SLC24A2: variants seen among roughly 807,000 people sequenced by gnomAD.
SLC24A2 encodes the protein sodium/potassium/calcium exchanger 2.
In SLC24A2, 36 loss-of-function variants were observed where a neutral mutation model predicts 62.0. That is an observed-to-expected ratio of 0.58 (90% CI 0.44 to 0.77). The LOEUF is 0.77. Among genes scored for constraint, SLC24A2 ranks in the 30% least tolerant of loss-of-function variants. The probability of loss-of-function intolerance (pLI) is 0.00; values close to 1 mark genes in which losing one functional copy is unlikely to be tolerated. For missense variants in SLC24A2, 846 were observed against 817.9 expected, an observed-to-expected ratio of 1.03 and a Z score of -0.42; for synonymous variants, 358 against 294.0, an observed-to-expected ratio of 1.22 and a Z score of -2.23.
chr9:19,921,423 A>G, the SLC24A2 span, among the ~76,000 whole-genome samples: 1 of 151,142 alleles, frequency 6.6e-6, no homozygotes, highest in African/African-American at 2.4e-5. Context: ...CTCGGGAGGG[A>G]CAGAATGGCG....
chr9:19,703,228 C>T (rs1820409290), intron 2 of SLC24A2, among the ~76,000 whole-genome samples: 2 of 152,152 alleles, frequency 1.3e-5, no homozygotes, highest in Non-Finnish European at 2.9e-5. Flanking sequence ...GTAAGCAGTG[C>T]AGATACTGTA....
At chr9:20,158,872 C>T in the SLC24A2 span, among the ~76,000 whole-genome samples, 1 of 151,390 alleles carries the variant, frequency 6.6e-6, no homozygotes, top group South Asian at 2.1e-4. Context: ...TTGAAAGGAC[C>T]CATTATATAT....
At chr9:20,243,705 T>A in the SLC24A2 span, among the ~76,000 whole-genome samples, 1 of 152,144 alleles carries the variant, frequency 6.6e-6, no homozygotes, top group Non-Finnish European at 1.5e-5. Context: ...AATTTTTCCT[T>A]TAAAATAAAA....
At chr9:19,997,274 A>G in the SLC24A2 span, among the ~76,000 whole-genome samples, 1 of 152,310 alleles carries the variant, frequency 6.6e-6, no homozygotes, top group Admixed American at 6.5e-5. Flanking sequence ...GCAGGGGCAC[A>G]GAAAGAAAGA....
the SLC24A2 span, among the ~76,000 whole-genome samples, chr9:20,059,436 A>G: frequency 3.3e-5 from 5 of 152,200 alleles, no homozygotes; most frequent in African/African-American, 9.6e-5. Context: ...AAAAGATTGA[A>G]ATCTTACAAA....
the SLC24A2 span, among the ~76,000 whole-genome samples, chr9:20,178,655 C>A: frequency 6.6e-6 from 1 of 152,110 alleles, no homozygotes; most frequent in East Asian, 1.9e-4. Context: ...TAGACTTATG[C>A]CCAGAGGATA....
intron 4 of SLC24A2, among the ~76,000 whole-genome samples, chr9:19,608,317 C>G (rs532152330): frequency 2.1e-5 from 3 of 143,458 alleles, no homozygotes; most frequent in Admixed American, 1.4e-4. Flanking sequence ...CATTTTGAAG[C>G]TTTTTTTTTT....
chr9:19,815,800 C>G, the SLC24A2 span, among the ~76,000 whole-genome samples: 1 of 152,028 alleles, frequency 6.6e-6, no homozygotes, highest in Non-Finnish European at 1.5e-5. Context: ...GAATATTTTA[C>G]TTTTCACCAT....
intron 2 of SLC24A2, among the ~76,000 whole-genome samples, chr9:19,766,474 G>A (rs1280623065): frequency 1.3e-5 from 2 of 152,162 alleles, no homozygotes; most frequent in Non-Finnish European, 2.9e-5. Context: ...ACCTTCAGAT[G>A]GAGTTTTTGC....
chr9:19,645,407 GCA>G (rs1818613642), intron 2 of SLC24A2, among the ~76,000 whole-genome samples: 1 of 152,134 alleles, frequency 6.6e-6, no homozygotes, highest in African/African-American at 2.4e-5. Flanking sequence ...CTATGATTTT[GCA>G]TAGTTTAGTT....
chr9:19,554,192 A>AGC (rs528056681), intron 7 of SLC24A2, among the ~76,000 whole-genome samples: 102 of 152,310 alleles, frequency 6.7e-4, no homozygotes, highest in Non-Finnish European at 1.3e-3. Flanking sequence ...GCAAGAAGGC[A>AGC]GCGGCAGCAA....
chr9:19,601,658 T>C (rs948018421), intron 4 of SLC24A2, among the ~76,000 whole-genome samples: 1 of 152,158 alleles, frequency 6.6e-6, no homozygotes, highest in Non-Finnish European at 1.5e-5. Context: ...TATTTTTTTT[T>C]TTCCTTTTTC....
At chr9:20,258,708 G>A in the SLC24A2 span, among the ~76,000 whole-genome samples, 1 of 151,878 alleles carries the variant, frequency 6.6e-6, no homozygotes, top group Non-Finnish European at 1.5e-5. Flanking sequence ...GTCTGTCACG[G>A]GTGTTCTCAG....
intron 2 of SLC24A2, among the ~76,000 whole-genome samples, chr9:19,713,808 A>G (rs1013073499): frequency 6.6e-6 from 1 of 152,110 alleles, no homozygotes; most frequent in African/African-American, 2.4e-5. Context: ...GATTTGTTAT[A>G]ATCTTTCTGA....
chr9:19,850,968 T>C, the SLC24A2 span, among the ~76,000 whole-genome samples: 1,109 of 12,984 alleles, frequency 0.085, 45 homozygotes, highest in Non-Finnish European at 0.13. Flanking sequence ...TATATATATG[T>C]ATATATATAT....
the SLC24A2 span, among the ~76,000 whole-genome samples, chr9:20,170,163 T>G: frequency 8.0e-5 from 12 of 150,358 alleles, no homozygotes; most frequent in Admixed American, 5.3e-4. Context: ...TAAGAAGACA[T>G]GAACAAAGCC....
intron 2 of SLC24A2, among the ~76,000 whole-genome samples, chr9:19,710,672 G>T (rs1390051321): frequency 6.6e-6 from 1 of 152,166 alleles, no homozygotes; most frequent in Non-Finnish European, 1.5e-5. Context: ...GTCATGAATG[G>T]GCCTTGTCAG....
At position 19,515,010 on chromosome 9, in the gene SLC24A2, A is replaced by G. The variant is rs1392027985; in HGVS notation, c.*1143T>C. ...TACATCCCATTAGGTGGCAAGGCCC[A>G]CTAAGCACCTTTACTGGATGACTTC... is the stretch of plus-strand genomic sequence containing the variant. On this transcript the variant is annotated 3_prime_UTR_variant, in exon 11 of 11. Coordinates refer to ENST00000341998, the MANE Select transcript of SLC24A2 (RefSeq NM_020344.4). The G allele has an allele frequency of 2.0e-5, 3 of 152,214 alleles. No individual in the cohort carries two copies. Among genetic ancestry groups the G allele is most frequent in the Non-Finnish European group, 4.4e-5 (3 of 68,042 alleles). The allele number at this position is 152,214 out of a possible 1,614,324, so 9.4% of individuals were successfully genotyped here.
At chr9:19,861,927 T>A in the SLC24A2 span, among the ~76,000 whole-genome samples, 1 of 152,022 alleles carries the variant, frequency 6.6e-6, no homozygotes, top group East Asian at 1.9e-4. Context: ...TAAAAACCAA[T>A]GAAGCATGTC....
Sources: allele counts gnomAD v4.1 joint callset (sites outside exome capture counted in the v4.1 genomes callset), GRCh38; gene constraint gnomAD v4.1.1; transcripts MANE v1.5; gene names NCBI Gene and HGNC (gene_info 2026-07-23, HGNC 2026-07-21).